Variants in NPHP3 observed in about 807,000 individuals in gnomAD.
NPHP3 encodes the protein nephrocystin-3.
In NPHP3, 123 loss-of-function variants were observed where a neutral mutation model predicts 171.9. The ratio of observed to expected loss-of-function variants is 0.72; its 90% CI spans 0.62 to 0.83. NPHP3 has a LOEUF of 0.83. Ranked by LOEUF, NPHP3 falls within the 40% of genes least tolerant of loss-of-function variation. The pLI, the probability that NPHP3 is intolerant of heterozygous loss-of-function variation, is 0.00. For synonymous variants in NPHP3, 558 were observed against 579.2 expected, an observed-to-expected ratio of 0.96 and a Z score of 0.52; for missense variants, 1,506 against 1,591.9, an observed-to-expected ratio of 0.95 and a Z score of 0.92.
At position 132,684,604 on chromosome 3, in the gene NPHP3, G is replaced by A. The variant is rs766432841; in HGVS notation, c.3520C>T (p.Pro1174Ser). The A allele has an allele frequency of 2.5e-6, 4 of 1,613,982 alleles. No individual in the cohort carries two copies. In the South Asian group the frequency reaches 4.4e-5, roughly 18 times the overall value. ...TGCTTCACCGTATATGCCAAAGAAG[G>A]GTGATCAGGAGCTAATGCACGTCTC... is the stretch of plus-strand genomic sequence containing the variant. Reference protein sequence around the residue: ...IRRRALAPDHPSLAYTVKHLA... With the variant: ...IRRRALAPDHSSLAYTVKHLA... Residue 1174 changes from proline (P) to serine (S), a missense_variant, in exon 24 of 27, where the codon CCT (proline) becomes TCT (serine). Coordinates refer to ENST00000337331, the MANE Select transcript of NPHP3 (RefSeq NM_153240.5).
At position 132,715,214 on chromosome 3, in the gene NPHP3, G is replaced by A. The variant is rs1560015352; in HGVS notation, c.828C>T (p.Asp276=). 6.2e-7 allele frequency: 1 copy of A among 1,611,250 alleles called. No homozygotes were observed. The highest frequency in any genetic ancestry group is 1.7e-5 in the Admixed American group (1 of 59,990). Residue 276 remains aspartate, a synonymous_variant, in exon 5 of 27, where the codon GAC becomes GAT. Coordinates refer to ENST00000337331, the MANE Select transcript of NPHP3 (RefSeq NM_153240.5). ...EGPFANVNRD[D]WDIAVASLLQ... ...ATAAACTAGCTACAGCAATATCCCAGTCATCTGAAAATAAAATTTCTCAAG... is the reference window on the plus strand; with the variant it reads ...ATAAACTAGCTACAGCAATATCCCAATCATCTGAAAATAAAATTTCTCAAG...
At chr3:132,721,470 T>TG (rs1940215020) in intron 1 of NPHP3, 1 of 192,500 alleles carries the variant, frequency 5.2e-6, no homozygotes, top group African/African-American at 2.4e-5. Flanking sequence ...ATTTTTATGG[T>TG]GGGGAGGGGG....
chr3:132,713,098 T>C (rs750304692), intron 6 of NPHP3, 28 bp downstream of exon 6: 2 of 1,271,606 alleles, frequency 1.6e-6, no homozygotes, highest in Non-Finnish European at 2.2e-6. Flanking sequence ...TTACTGCTTA[T>C]AATAAATTAC....
intron 17 of NPHP3, among the ~76,000 whole-genome samples, chr3:132,692,082 T>G (rs7618345): frequency 9.8e-5 from 15 of 152,342 alleles, no homozygotes; most frequent in African/African-American, 3.4e-4. Flanking sequence ...ACTGTAACTT[T>G]TCTGTATTTA....
Position 132,722,253 on chromosome 3 carries a change from T to G in NPHP3, c.103A>C (p.Lys35Gln). The G allele has an allele frequency of 6.4e-7, 1 of 1,572,884 alleles. No homozygotes were observed. The highest frequency in any genetic ancestry group is 1.1e-5 in the South Asian group (1 of 88,398). The change falls in exon 1 of 27, where the codon AAG becomes CAG. Residue 35 changes from lysine to glutamine, a missense_variant. Physicochemically the swap from Lys to Gln is moderately conservative, Grantham distance 53 (BLOSUM62 1). Coordinates refer to ENST00000337331, the MANE Select transcript of NPHP3 (RefSeq NM_153240.5). ...GEACEIPVEVKPKARLLRNSF... is the reference protein window; with the variant it reads ...GEACEIPVEVQPKARLLRNSF... Reference sequence around the variant, plus strand: ...TTGCGCAGCAGGCGGGCCTTGGGCTTCACCTCCACCGGGATCTCGCAGGCC... The same window carrying G: ...TTGCGCAGCAGGCGGGCCTTGGGCTGCACCTCCACCGGGATCTCGCAGGCC...
intron 5 of NPHP3, 144 bp downstream of exon 5, chr3:132,714,941 A>T (rs922699616): frequency 3.2e-6 from 2 of 631,526 alleles, no homozygotes; most frequent in Non-Finnish European, 5.5e-6. Flanking sequence ...TTTTCTCTTA[A>T]GAAAAGCCCA....
rs552398342 is a variant in NPHP3, at chr3:132,711,382, A to G, written c.1118+1744T>C. On this transcript the variant is annotated intron_variant, in intron 6 of 26. Coordinates refer to ENST00000337331, the MANE Select transcript of NPHP3 (RefSeq NM_153240.5). Reference sequence around the variant, plus strand: ...AATCCTCATTTCTTTAATAAGAATAAAATTTTTAAAAATGTACAATATAAA... The same window carrying G: ...AATCCTCATTTCTTTAATAAGAATAGAATTTTTAAAAATGTACAATATAAA... Among the ~76,000 whole-genome samples, 12 of 152,300 alleles carry G rather than the reference A, an allele frequency of 7.9e-5. No homozygotes were observed. The South Asian group carries it at 2.5e-3, about 32-fold the overall frequency.
rs761940786 is a variant in NPHP3 at position 132,681,879 on chromosome 3, G to C, written c.*31C>G. The C allele has an allele frequency of 5.7e-6, 9 of 1,573,720 alleles. No individual in the cohort carries two copies. The highest frequency in any genetic ancestry group is 7.9e-6 in the Non-Finnish European group (9 of 1,143,356). On this transcript the variant is annotated 3_prime_UTR_variant, in exon 27 of 27. Transcript: ENST00000337331. ...AAATGTTTAATTATTTTGTCTTAAG[G>C]TACATTTGCAAAGAATTCTAACTGC...
intron 4 of NPHP3, 65 bp downstream of exon 4, chr3:132,716,692 A>G: frequency 6.5e-7 from 1 of 1,547,326 alleles, no homozygotes; most frequent in Non-Finnish European, 8.9e-7. Context: ...TAGTTCCAGC[A>G]CAAGATTATA....
chr3:132,687,884 C>T (rs202165833), intron 21 of NPHP3, among the ~76,000 whole-genome samples: 3 of 152,214 alleles, frequency 2.0e-5, no homozygotes, highest in East Asian at 3.9e-4. Context: ...CTTTGTGGGC[C>T]GTGTGCTTTC....
At chr3:132,682,310 T>C (rs1005383310) in intron 26 of NPHP3, 5 of 586,812 alleles carry the variant, frequency 8.5e-6, no homozygotes, top group African/African-American at 1.9e-5. Flanking sequence ...ATTAAAACCA[T>C]GTTGTAATAG....
chr3:132,698,436 C>A (rs1939515549), intron 13 of NPHP3, among the ~76,000 whole-genome samples: 1 of 151,898 alleles, frequency 6.6e-6, no homozygotes, highest in South Asian at 2.1e-4. Context: ...CGCCACCATG[C>A]CTGGCTAATT....
chr3:132,687,133 AAAG>A lies in NPHP3; in HGVS notation c.3201+15_3201+17del. 1.6e-6 allele frequency: 2 copies of A among 1,271,002 alleles called. No individual in the cohort carries two copies. The highest frequency in any genetic ancestry group is 2.4e-5 in the South Asian group (2 of 83,504). 78.7% of individuals were successfully genotyped at this position (1,271,002 alleles called of 1,614,324 possible). A position where few individuals can be genotyped will look rare whatever the true frequency, so the allele number is the denominator to read the frequency against. The stretch of plus-strand genomic sequence containing the variant: ...CCTCTTACGTTCAAAACACAACACA[AAAG>A]AAATCTCTCCTTACCAAGTTGCCTT... On this transcript the variant is annotated intron_variant, in intron 22 of 26. Coordinates refer to ENST00000337331, the MANE Select transcript of NPHP3 (RefSeq NM_153240.5).
At position 132,722,278 on chromosome 3, in the gene NPHP3, C is replaced by T; in HGVS notation, c.78G>A (p.Glu26=). ...TCACCTCCACCGGGATCTCGCAGGC[C>T]TCGCCGCCGCCCGCCCCGTACGTGT... ...IEDTYGAGGG[E]ACEIPVEVKP... Residue 26 remains glutamate (E), a synonymous_variant, in exon 1 of 27, where the codon GAG becomes GAA. Coordinates refer to ENST00000337331, the MANE Select transcript of NPHP3 (RefSeq NM_153240.5). 1 of 1,578,286 alleles carries T rather than the reference C, an allele frequency of 6.3e-7. No individual in the cohort carries two copies. The highest frequency in any genetic ancestry group is 8.5e-7 in the Non-Finnish European group (1 of 1,171,254).
Position 132,701,528 on chromosome 3 carries a change from G to T in NPHP3, c.1530C>A (p.Tyr510Ter). 1 of 1,607,344 alleles carries T rather than the reference G, an allele frequency of 6.2e-7. No homozygotes were observed. Among genetic ancestry groups the T allele is most frequent in the Non-Finnish European group, 8.5e-7 (1 of 1,174,150 alleles). ...SAHELGFEKYYQRLNDLVAAP... is the reference protein window; with the variant it reads ...SAHELGFEKY ...CTGCCACTAGATCATTAAGGCGTTGGTAATACTAGAAAAAAAAATGAATTT... is the reference window on the plus strand; with the variant it reads ...CTGCCACTAGATCATTAAGGCGTTGTTAATACTAGAAAAAAAAATGAATTT... The change falls in exon 10 of 27, where the codon TAC becomes TAA. Residue 510 changes from tyrosine to a stop codon, truncating the protein, a stop_gained. Coordinates refer to ENST00000337331, the MANE Select transcript of NPHP3 (RefSeq NM_153240.5). LOFTEE classifies it high-confidence loss of function.
intron 18 of NPHP3, 119 bp downstream of exon 18, chr3:132,691,073 A>G: frequency 1.2e-6 from 1 of 830,264 alleles, no homozygotes; most frequent in Admixed American, 1.7e-5. Context: ...AGAGGATTTA[A>G]TCTTTTTTGT....
intron 19 of NPHP3, among the ~76,000 whole-genome samples, chr3:132,690,147 C>A (rs1299669330): frequency 6.6e-6 from 1 of 152,142 alleles, no homozygotes; most frequent in African/African-American, 2.4e-5. Context: ...CAAATAAATT[C>A]AACACCAGAC....
chr3:132,698,287 G>GT (rs946427395), intron 13 of NPHP3, among the ~76,000 whole-genome samples: 10 of 151,710 alleles, frequency 6.6e-5, no homozygotes, highest in African/African-American at 2.4e-4. Flanking sequence ...CCATTTGTTT[G>GT]TTTTTTGAGA....
rs1939574490 is a variant in NPHP3 at position 132,700,370 on chromosome 3, T to C, written c.1707A>G (p.Ser569=). ...HFVGRPMSTS[S]ESSLIIKRLT... is the part of the protein sequence containing the mutation. ...GTCGTTTAATAATCAAGGAGGACTC[T>C]GAGCTGGTTGACATGGGCCTTCCCA... The change falls in exon 11 of 27, where the codon TCA becomes TCG. Residue 569 remains serine, a synonymous_variant. Coordinates refer to ENST00000337331, the MANE Select transcript of NPHP3 (RefSeq NM_153240.5). The C allele has an allele frequency of 6.2e-7, 1 of 1,610,578 alleles. No homozygotes were observed. The highest frequency in any genetic ancestry group is 1.7e-5 in the Admixed American group (1 of 60,002).
Sources: gnomAD v4.1 joint callset for allele counts (sites outside exome capture counted in the v4.1 genomes callset) on GRCh38, gnomAD v4.1.1 for gene constraint, MANE v1.5 for transcripts, NCBI Gene and HGNC (gene_info 2026-07-23, HGNC 2026-07-21) for gene names.